Variants in TUSC3 observed in about 807,000 individuals in gnomAD.
TUSC3 encodes tumor suppressor candidate 3, also known as dolichyl-diphosphooligosaccharide--protein glycosyltransferase subunit TUSC3.
A neutral mutation model predicts 44.8 loss-of-function variants in TUSC3; 45 were observed. The observed-to-expected ratio is 1.00, with a 90% CI of 0.79 to 1.29. The LOEUF (loss-of-function observed/expected upper bound fraction) is 1.29, where lower values mean the gene tolerates loss of function less well. TUSC3 is among the 50% of genes most tolerant of loss of function. TUSC3 has a pLI of 0.00. For missense variants in TUSC3, 519 were observed against 437.9 expected (o/e 1.19, Z -1.65); for synonymous variants, 212 against 152.9 (o/e 1.39, Z -2.85).
intron 1 of TUSC3, among the ~76,000 whole-genome samples, chr8:15,433,062 C>T (rs527546404): frequency 6.6e-6 from 1 of 152,284 alleles, no homozygotes; most frequent in South Asian, 2.1e-4. Context: ...GGAATCCAGT[C>T]TCATGACCCA....
chr8:15,659,385 G>A, intron 3 of TUSC3, 122 bp from the exon 4 acceptor site: 1 of 1,300,374 alleles, frequency 7.7e-7, no homozygotes, highest in Non-Finnish European at 1.1e-6. Flanking sequence ...TTTACCTCTG[G>A]AAAACCACTT....
intron 7 of TUSC3, among the ~76,000 whole-genome samples, chr8:15,742,040 T>C (rs1367971254): frequency 6.6e-6 from 1 of 152,172 alleles, no homozygotes; most frequent in Non-Finnish European, 1.5e-5. Flanking sequence ...ACTTTAAGAA[T>C]AATGGATTTA....
intron 2 of TUSC3, among the ~76,000 whole-genome samples, chr8:15,517,155 C>T (rs1801228257): frequency 6.6e-6 from 1 of 152,098 alleles, no homozygotes; most frequent in Non-Finnish European, 1.5e-5. Flanking sequence ...AGCAATAGCT[C>T]AGTTGTCACT....
intron 1 of TUSC3, among the ~76,000 whole-genome samples, chr8:15,573,158 TTCTCTCTC>T (rs68104374): frequency 9.0e-6 from 1 of 110,760 alleles, no homozygotes; most frequent in Non-Finnish European, 1.8e-5. Flanking sequence ...CAGTATAGTG[TTCTCTCTC>T]TTTCTCTCTC....
intron 2 of TUSC3, among the ~76,000 whole-genome samples, chr8:15,643,124 C>T (rs1806459816): frequency 6.6e-6 from 1 of 152,164 alleles, no homozygotes; most frequent in Non-Finnish European, 1.5e-5. Context: ...TTGCTTGGCA[C>T]TCCTTCTTCC....
intron 1 of TUSC3, among the ~76,000 whole-genome samples, chr8:15,427,532 A>C (rs1799818737): frequency 6.6e-6 from 1 of 152,144 alleles, no homozygotes; most frequent in South Asian, 2.1e-4. Context: ...ATAAAACCCC[A>C]ACTTGACAGG....
rs540644303 is a variant in TUSC3, at chr8:15,760,891, G to A, written c.*46+3036G>A. 9.9e-5 allele frequency among the ~76,000 whole-genome samples: 15 copies of A among 152,242 alleles called. 1 individual carries two copies. Among genetic ancestry groups the A allele is most frequent in the African/African-American group, 3.6e-4 (15 of 41,558 alleles). ...TTCTTCGGTCGAGGCTGCTGTCCCT[G>A]CATCTTACTTGTTCTCAGAGTTTTG... is the stretch of plus-strand genomic sequence containing the variant. On this transcript the variant is annotated intron_variant, in intron 10 of 10. Coordinates refer to ENST00000503731, the MANE Select transcript of TUSC3 (RefSeq NM_006765.4).
chr8:15,813,580 G>T, the TUSC3 span, among the ~76,000 whole-genome samples: 142 of 152,130 alleles, frequency 9.3e-4, no homozygotes, highest in Non-Finnish European at 1.5e-3. Context: ...TTTTATTCTA[G>T]AATAAAAATG....
intron 2 of TUSC3, among the ~76,000 whole-genome samples, chr8:15,641,762 C>T (rs1806383390): frequency 6.6e-6 from 1 of 152,130 alleles, no homozygotes; most frequent in South Asian, 2.1e-4. Flanking sequence ...CATGTGTTAC[C>T]TATGTTCTTT....
At chr8:15,445,604 G>A (rs564362943) in intron 1 of TUSC3, among the ~76,000 whole-genome samples, 3 of 152,348 alleles carry the variant, frequency 2.0e-5, no homozygotes, top group Admixed American at 6.5e-5. Context: ...AGTGGACACA[G>A]CACATGTTTC....
the TUSC3 span, among the ~76,000 whole-genome samples, chr8:15,843,106 G>C: frequency 6.6e-6 from 1 of 152,124 alleles, no homozygotes; most frequent in Non-Finnish European, 1.5e-5. Context: ...CAAAATAACA[G>C]AATTTACTCT....
intron 1 of TUSC3, among the ~76,000 whole-genome samples, chr8:15,481,721 T>C (rs1800663804): frequency 6.6e-6 from 1 of 152,140 alleles, no homozygotes; most frequent in African/African-American, 2.4e-5. Flanking sequence ...TACCTTAATT[T>C]TAAAACACTT....
chr8:15,555,929 T>C (rs2129138219), intron 1 of TUSC3, among the ~76,000 whole-genome samples: 1 of 151,738 alleles, frequency 6.6e-6, no homozygotes, highest in East Asian at 1.9e-4. Flanking sequence ...CAATAATGTA[T>C]GCTTTCTGGA....
intron 1 of TUSC3, among the ~76,000 whole-genome samples, chr8:15,482,090 A>C (rs1411778209): frequency 6.6e-6 from 1 of 152,216 alleles, no homozygotes; most frequent in African/African-American, 2.4e-5. Flanking sequence ...CCAGGAGTAT[A>C]TTCCATCTTA....
intron 3 of TUSC3, among the ~76,000 whole-genome samples, chr8:15,657,815 G>A (rs905553899): frequency 6.6e-6 from 1 of 152,112 alleles, no homozygotes; most frequent in East Asian, 1.9e-4. Context: ...CTGCTGTAAC[G>A]GAATACCTGA....
At chr8:15,534,265 T>A (rs546197358) in intron 2 of TUSC3, among the ~76,000 whole-genome samples, 1 of 152,184 alleles carries the variant, frequency 6.6e-6, no homozygotes. Flanking sequence ...AGAATTTACT[T>A]TCATACTATA....
the TUSC3 span, among the ~76,000 whole-genome samples, chr8:15,829,365 G>A: frequency 6.6e-6 from 1 of 152,130 alleles, no homozygotes. Flanking sequence ...AAATTGCCTT[G>A]CAAAGTGGCT....
At chr8:15,775,680 A>G in the TUSC3 span, among the ~76,000 whole-genome samples, 1 of 123,806 alleles carries the variant, frequency 8.1e-6, no homozygotes, top group Non-Finnish European at 1.9e-5. Flanking sequence ...ACACACATAA[A>G]TACATATGTA....
chr8:15,512,927 TA>T, intron 2 of TUSC3, among the ~76,000 whole-genome samples: 2 of 44,584 alleles, frequency 4.5e-5, no homozygotes, highest in Admixed American at 5.7e-4. Flanking sequence ...TCTATATATA[TA>T]ATCATATATA....
Sources: allele counts gnomAD v4.1 joint callset (sites outside exome capture counted in the v4.1 genomes callset), GRCh38; gene constraint gnomAD v4.1.1; transcripts MANE v1.5; gene names NCBI Gene and HGNC (gene_info 2026-07-23, HGNC 2026-07-21).